Variants in DICER1 observed in about 807,000 individuals in gnomAD.
The protein encoded by DICER1 is dicer 1, ribonuclease III.
Under a neutral mutation model 194.1 loss-of-function variants are expected in DICER1, and 43 were observed. The ratio of observed to expected loss-of-function variants is 0.22; its 90% CI spans 0.17 to 0.29. The LOEUF is 0.29. DICER1 is among the 10% of genes least tolerant of loss of function. The pLI is 1.00. For missense variants in DICER1, 1,608 were observed against 2,317.0 expected, an observed-to-expected ratio of 0.69 and a Z score of 6.28; for synonymous variants, 832 against 820.5, an observed-to-expected ratio of 1.01 and a Z score of -0.24.
At chr14:95,099,216 A>C (rs1289473777) in intron 22 of DICER1, among the ~76,000 whole-genome samples, 1 of 152,162 alleles carries the variant, frequency 6.6e-6, no homozygotes, top group Non-Finnish European at 1.5e-5. Context: ...AGACAAAATG[A>C]AGTGGCTGTT....
intron 6 of DICER1, chr14:95,129,028 T>C (rs1454419893): frequency 6.4e-6 from 1 of 156,322 alleles, no homozygotes; most frequent in African/African-American, 2.4e-5. Flanking sequence ...CAACTTTCTC[T>C]GAAATCCACA....
chr14:95,125,909 T>C (rs1235851536), intron 7 of DICER1, among the ~76,000 whole-genome samples: 1 of 151,594 alleles, frequency 6.6e-6, no homozygotes, highest in African/African-American at 2.4e-5. Flanking sequence ...AATGCAAAGA[T>C]TGAGAAAAAT....
Position 95,088,823 on chromosome 14 carries a change from A to C in DICER1, c.*1675T>G, listed in dbSNP as rs942411707. On this transcript the variant is annotated 3_prime_UTR_variant, in exon 27 of 27. Transcript: ENST00000343455. The stretch of plus-strand genomic sequence containing the variant: ...GGGTGGATGATGCAGATAAAGCAGG[A>C]AGGACAGTATTCAAATGTCACTTAC... 4.3e-6 allele frequency: 1 copy of C among 233,282 alleles called. No individual in the cohort carries two copies. The highest frequency in any genetic ancestry group is 8.5e-6 in the Non-Finnish European group (1 of 117,908). The allele number at this position is 233,282 out of a possible 1,614,324, so 14.5% of individuals were successfully genotyped here. A position where few individuals can be genotyped will look rare whatever the true frequency, so the allele number is the denominator to read the frequency against.
chr14:95,129,680 T>A, intron 5 of DICER1, 48 bp from the exon 6 acceptor site: 1 of 1,548,474 alleles, frequency 6.5e-7, no homozygotes, highest in Non-Finnish European at 8.8e-7. Flanking sequence ...TTTGCAAGGC[T>A]ATAACAAGAG....
At position 95,090,033 on chromosome 14, in the gene DICER1, T is replaced by C. The variant is rs142808371; in HGVS notation, c.*465A>G. On this transcript the variant is annotated 3_prime_UTR_variant, in exon 27 of 27. Transcript: ENST00000343455. ...CTTCTCCTCTCGAAAACCTTATCTT[T>C]CTATTCAGCTTATCAACTACTGCAG... is the stretch of plus-strand genomic sequence containing the variant. 1.3e-3 allele frequency: 381 copies of C among 291,382 alleles called. 3 individuals are homozygous for C. The East Asian group carries it at 0.018, about 14-fold the overall frequency. 18.0% of individuals were successfully genotyped at this position (291,382 alleles called of 1,614,324 possible).
intron 11 of DICER1, among the ~76,000 whole-genome samples, chr14:95,115,434 CTTCA>C (rs1366192818): frequency 6.6e-6 from 1 of 151,928 alleles, no homozygotes; most frequent in Non-Finnish European, 1.5e-5. Flanking sequence ...TTTAAAATGC[CTTCA>C]TTATGTTAGC....
chr14:95,116,598 C>T lies in DICER1; in HGVS notation c.1607G>A (p.Arg536His), dbSNP rs965350808. The change falls in exon 10 of 27, where the codon CGT (arginine) becomes CAT (histidine). Residue 536 changes from arginine to histidine, a missense_variant. Arg to His is a conservative substitution (Grantham distance 29). Around this residue, in one of 10 missense-constraint regions of DICER1, gnomAD observed 657 missense variants for 910.1 expected, o/e 0.72. Transcript: ENST00000343455. ...VDIPKCNLVV[R>H]FDLPTEYRSY... ...TCGATATTCTGTGGGCAAATCAAAA[C>T]GAACCACCAAGTTGCATTTTGGTAT... The T allele has an allele frequency of 3.7e-6, 6 of 1,613,714 alleles. No individual in the cohort carries two copies. Among genetic ancestry groups the T allele is most frequent in the South Asian group, 1.1e-5 (1 of 91,072 alleles).
At chr14:95,127,452 T>G (rs758273378) in intron 6 of DICER1, among the ~76,000 whole-genome samples, 2 of 152,218 alleles carry the variant, frequency 1.3e-5, no homozygotes, top group African/African-American at 4.8e-5. Flanking sequence ...TTTGGAATAT[T>G]TGCATATAAA....
chr14:95,105,712 C>G lies in DICER1; in HGVS notation c.3059G>C (p.Arg1020Thr). The G allele has an allele frequency of 6.2e-7, 1 of 1,614,122 alleles. No homozygotes were observed. The highest frequency in any genetic ancestry group is 8.5e-7 in the Non-Finnish European group (1 of 1,179,960). The change falls in exon 19 of 27, where the codon AGG becomes ACG. Residue 1020 changes from arginine to threonine, a missense_variant. By Grantham distance (71) the Arg-to-Thr change is moderately conservative. This residue lies in a region of DICER1 where 79 missense variants were observed against 176.1 expected (regional missense o/e 0.45). Coordinates refer to ENST00000343455, the MANE Select transcript of DICER1 (RefSeq NM_177438.3). This position sits in a 1 kb window ranked among gnomAD's most constrained non-coding sequence, Gnocchi z 4.9. ...KALPLSSAEK[R>T]KAKWESLQNK... is the part of the protein sequence containing the mutation. ...CTGCAGACTTTCCCATTTGGCTTTC[C>G]TCTTCTCAGCACTGCTTAAAGGAAG...
rs1555374745 is a variant in DICER1 at position 95,124,465 on chromosome 14, G to A, written c.1107C>T (p.Asp369=). Residue 369 remains aspartate (D), a synonymous_variant, in exon 8 of 27, where the codon GAC becomes GAT. Coordinates refer to ENST00000343455, the MANE Select transcript of DICER1 (RefSeq NM_177438.3). The surrounding 1 kb of genome is among the most constrained non-coding windows in gnomAD (Gnocchi z 4.5). ...TTACTTTAGGAGTTACAAATTTCAG[G>A]TCAAGTGAGGCAGGTGAGAAGTGCT... The part of the protein sequence containing the change: ...CEEHFSPASL[D]LKFVTPKVIK... The A allele has an allele frequency of 6.2e-7, 1 of 1,614,128 alleles. No individual in the cohort carries two copies. Among genetic ancestry groups the A allele is most frequent in the African/African-American group, 1.3e-5 (1 of 75,022 alleles).
rs567895583 is a variant in DICER1 at position 95,104,016 on chromosome 14, A to C, written c.3380T>G (p.Ile1127Ser). The stretch of plus-strand genomic sequence containing the variant: ...TTGATGTGCAGCATTTTCAGGGACA[A>C]TTGTGCTGTGCTTACAGTAATTATC... Reference protein sequence around the residue: ...ENDNYCKHSTIVPENAAHQGA... With the variant: ...ENDNYCKHSTSVPENAAHQGA... Residue 1127 changes from isoleucine (I) to serine (S), a missense_variant, in exon 21 of 27, where the codon ATT (isoleucine) becomes AGT (serine). Coordinates refer to ENST00000343455, the MANE Select transcript of DICER1 (RefSeq NM_177438.3). 4.3e-6 allele frequency: 7 copies of C among 1,614,158 alleles called. No homozygotes were observed. The Admixed American group carries it at 8.3e-5, about 19-fold the overall frequency.
rs200408568 is a variant in DICER1 at position 95,107,692 on chromosome 14, A to G, written c.2720T>C (p.Ile907Thr). Residue 907 changes from isoleucine to threonine, a missense_variant, in exon 17 of 27, where the codon ATA becomes ACA. Coordinates refer to ENST00000343455, the MANE Select transcript of DICER1 (RefSeq NM_177438.3). ...TGTATACTTTGTACTGGGAATGCCT[A>G]TGCGAGCTTCAGACTTCTCAATATC... is the stretch of plus-strand genomic sequence containing the variant. ...MEDIEKSEAR[I>T]GIPSTKYTKE... 2.7e-5 allele frequency: 43 copies of G among 1,604,888 alleles called. No homozygotes were observed. The highest frequency in any genetic ancestry group is 3.3e-4 in the Middle Eastern group (2 of 6,024).
intron 2 of DICER1, among the ~76,000 whole-genome samples, chr14:95,132,890 T>C (rs189082109): frequency 6.6e-6 from 1 of 152,346 alleles, no homozygotes; most frequent in African/African-American, 2.4e-5. Flanking sequence ...TAAATACGTG[T>C]TGAAATGGCA....
intron 15 of DICER1, 78 bp downstream of exon 15, chr14:95,108,246 A>T (rs1388481905): frequency 7.1e-7 from 1 of 1,410,166 alleles, no homozygotes; most frequent in Non-Finnish European, 1.0e-6. Flanking sequence ...AACAAAAGGT[A>T]CTTACTACTA....
At chr14:95,132,490 A>G (rs771745936) in intron 3 of DICER1, 25 bp downstream of exon 3, 1 of 1,612,626 alleles carries the variant, frequency 6.2e-7, no homozygotes, top group Non-Finnish European at 8.5e-7. Context: ...CCCCTGCACA[A>G]CTTGATAAAA....
chr14:95,150,214 T>C (rs1306643884), intron 1 of DICER1, among the ~76,000 whole-genome samples: 1 of 152,238 alleles, frequency 6.6e-6, no homozygotes, highest in Non-Finnish European at 1.5e-5. Flanking sequence ...CCGGGCACGG[T>C]GGCTCATGCC....
chr14:95,088,788 A>G lies in DICER1; in HGVS notation c.*1710T>C. 8.6e-6 allele frequency: 2 copies of G among 233,308 alleles called. No homozygotes were observed. Among genetic ancestry groups the G allele is most frequent in the Non-Finnish European group, 1.7e-5 (2 of 117,848 alleles). The allele number at this position is 233,308 out of a possible 1,614,324, so 14.5% of individuals were successfully genotyped here. A position where few individuals can be genotyped will look rare whatever the true frequency, so the allele number is the denominator to read the frequency against. On this transcript the variant is annotated 3_prime_UTR_variant, in exon 27 of 27. Transcript: ENST00000343455. ...TCTGTCGGTGCACTCGCACAGAGGCATTTCTCTGTGGGTGGATGATGCAGA... is the reference window on the plus strand; with the variant it reads ...TCTGTCGGTGCACTCGCACAGAGGCGTTTCTCTGTGGGTGGATGATGCAGA...
chr14:95,096,154 T>A lies in DICER1; in HGVS notation c.4766A>T (p.Lys1589Met), dbSNP rs768146959. The change falls in exon 23 of 27, where the codon AAG (lysine) becomes ATG (methionine). Residue 1589 changes from lysine to methionine, a missense_variant. Physicochemically the swap from Lys to Met is moderately conservative, Grantham distance 95. This residue lies in a region of DICER1 where 125 missense variants were observed against 134.9 expected (regional missense o/e 0.93). Coordinates refer to ENST00000343455, the MANE Select transcript of DICER1 (RefSeq NM_177438.3). Reference protein sequence around the residue: ...AQLFLCSLGLKVLPVIKRTDR... With the variant: ...AQLFLCSLGLMVLPVIKRTDR... ...AGTCCTTTTAATTACCGGGAGCACC[T>A]TCAGCCCCAGTGAACAGAGGAAAAG... 1 of 1,614,216 alleles carries A rather than the reference T, an allele frequency of 6.2e-7. No individual in the cohort carries two copies.
At chr14:95,150,447 C>T (rs757100868) in intron 1 of DICER1, among the ~76,000 whole-genome samples, 4 of 152,214 alleles carry the variant, frequency 2.6e-5, no homozygotes, top group Non-Finnish European at 5.9e-5. Flanking sequence ...GATCACGCCA[C>T]TGCACCCCAG....
Sources: allele counts gnomAD v4.1 joint callset (sites outside exome capture counted in the v4.1 genomes callset), GRCh38; gene constraint gnomAD v4.1.1; regional missense constraint gnomAD v4.1.1; non-coding constraint Gnocchi (gnomAD v3.1); transcripts MANE v1.5; gene names NCBI Gene and HGNC (gene_info 2026-07-23, HGNC 2026-07-21).